The following PMS1 variants were observed in gnomAD, a reference collection of about 807,000 sequenced individuals.
PMS1 encodes the protein PMS1 homolog 1, mismatch repair system component, also known as PMS1 protein homolog 1.
A neutral mutation model predicts 93.1 loss-of-function variants in PMS1; 79 were observed. The ratio of observed to expected loss-of-function variants is 0.85; its 90% CI spans 0.71 to 1.02. The LOEUF (loss-of-function observed/expected upper bound fraction) is 1.02, where lower values mean the gene tolerates loss of function less well. Among genes scored for constraint, PMS1 ranks in the 50% least tolerant of loss-of-function variants. The probability of loss-of-function intolerance (pLI) is 0.00; values close to 1 mark genes in which losing one functional copy is unlikely to be tolerated. For missense variants in PMS1, 1,064 were observed against 1,085.3 expected, an observed-to-expected ratio of 0.98 and a Z score of 0.28; for synonymous variants, 335 against 363.4, an observed-to-expected ratio of 0.92 and a Z score of 0.89.
chr2:189,864,076 C>T lies in PMS1; in HGVS notation c.2190C>T (p.Leu730=). 1 of 1,613,672 alleles carries T rather than the reference C, an allele frequency of 6.2e-7. No homozygotes were observed. Among genetic ancestry groups the T allele is most frequent in the Non-Finnish European group, 8.5e-7 (1 of 1,179,750 alleles). Residue 730 remains leucine (L), a synonymous_variant, in exon 10 of 13, where the codon CTC becomes CTT. Coordinates refer to ENST00000441310, the MANE Select transcript of PMS1 (RefSeq NM_000534.5). ...EKDEPCLIHN[L]RFPDAWLMTS... is the part of the protein sequence containing the mutation. ...ATGAACCTTGCTTGATCCACAATCT[C>T]AGGTTTCCTGATGCATGGCTAATGA...
intron 10 of PMS1, among the ~76,000 whole-genome samples, chr2:189,865,960 G>A (rs1431877879): frequency 6.6e-6 from 1 of 152,002 alleles, no homozygotes; most frequent in Non-Finnish European, 1.5e-5. Flanking sequence ...AAAAAAACAG[G>A]GACAGAACAC....
chr2:189,792,075 C>T (rs372793452), intron 2 of PMS1, 134 bp downstream of exon 2: 2 of 722,430 alleles, frequency 2.8e-6, no homozygotes, highest in East Asian at 5.5e-5. Flanking sequence ...GACCCTTTGT[C>T]TTAAGAGTAA....
intron 3 of PMS1, among the ~76,000 whole-genome samples, chr2:189,803,762 T>TA (rs1418996645): frequency 2.6e-5 from 4 of 152,212 alleles, no homozygotes; most frequent in Non-Finnish European, 4.4e-5. Flanking sequence ...GAAGTACACT[T>TA]ATGTGTTTGC....
At chr2:189,805,379 CA>C (rs1168335262) in intron 3 of PMS1, among the ~76,000 whole-genome samples, 6 of 152,066 alleles carry the variant, frequency 3.9e-5, no homozygotes, top group African/African-American at 1.4e-4. Flanking sequence ...GCATATAATA[CA>C]AATGGCATTT....
At chr2:189,837,705 A>G (rs2053505928) in intron 5 of PMS1, among the ~76,000 whole-genome samples, 1 of 152,222 alleles carries the variant, frequency 6.6e-6, no homozygotes, top group Non-Finnish European at 1.5e-5. Flanking sequence ...AGAGAAATGA[A>G]AACATATGCC....
chr2:189,864,295 C>T (rs913923903), intron 10 of PMS1, 67 bp downstream of exon 10: 8 of 1,094,566 alleles, frequency 7.3e-6, no homozygotes, highest in Admixed American at 1.7e-5. Context: ...AGATTAAAAT[C>T]GAAGGTAGAA....
intron 1 of PMS1, among the ~76,000 whole-genome samples, chr2:189,785,867 G>A (rs912997433): frequency 6.6e-6 from 1 of 152,194 alleles, no homozygotes; most frequent in Non-Finnish European, 1.5e-5. Flanking sequence ...GCTCACACCT[G>A]TAATCCCAGC....
At chr2:189,839,050 A>G (rs1183530917) in intron 5 of PMS1, among the ~76,000 whole-genome samples, 3 of 151,836 alleles carry the variant, frequency 2.0e-5, no homozygotes, top group Admixed American at 6.6e-5. Context: ...GGAGTGCAGT[A>G]GCGCGATCTC....
chr2:189,832,339 G>A (rs2053022358), intron 5 of PMS1, among the ~76,000 whole-genome samples: 2 of 152,218 alleles, frequency 1.3e-5, no homozygotes, highest in African/African-American at 2.4e-5. Context: ...ATACTGCTAT[G>A]TTGTTACAAA....
chr2:189,792,805 T>G (rs183363401), intron 2 of PMS1, among the ~76,000 whole-genome samples: 163 of 150,162 alleles, frequency 1.1e-3, no homozygotes, highest in African/African-American at 3.7e-3. Context: ...TTTTATTTAT[T>G]TATTTATTTA....
At position 189,867,809 on chromosome 2, in the gene PMS1, G is replaced by C. The variant is rs777821897; in HGVS notation, c.2353G>C (p.Gly785Arg). ...PIMLTESLFN[G>R]SHYLDVLYKM... ...TAATTTCTTTTTCAGTCTTTTTAAT[G>C]GATCTCATTATTTAGACGTTTTATA... The change falls in exon 11 of 13, where the codon GGA becomes CGA. Residue 785 changes from glycine to arginine, a missense_variant. Physicochemically the swap from Gly to Arg is moderately radical, Grantham distance 125 (BLOSUM62 -2). Transcript: ENST00000441310. 5 of 1,571,824 alleles carry C rather than the reference G, an allele frequency of 3.2e-6. No homozygotes were observed. The highest frequency in any genetic ancestry group is 1.7e-5 in the Admixed American group (1 of 59,886).
chr2:189,854,126 T>C (rs764366659), intron 8 of PMS1, 44 bp downstream of exon 8: 1 of 1,413,018 alleles, frequency 7.1e-7, no homozygotes, highest in Admixed American at 1.9e-5. Flanking sequence ...TTTATAAACA[T>C]ATATTACTGT....
chr2:189,794,448 A>G (rs1237632831), intron 2 of PMS1, among the ~76,000 whole-genome samples: 1 of 152,238 alleles, frequency 6.6e-6, no homozygotes, highest in Non-Finnish European at 1.5e-5. Flanking sequence ...GGTGTGAGGA[A>G]CAAAATCTTA....
chr2:189,821,794 G>C (rs1407730256), intron 5 of PMS1, among the ~76,000 whole-genome samples: 1 of 152,190 alleles, frequency 6.6e-6, no homozygotes, highest in Non-Finnish European at 1.5e-5. Context: ...GGGCGACAGA[G>C]TGAGAATCTA....
At chr2:189,863,652 C>T in intron 9 of PMS1, 91 bp from the exon 10 acceptor site, 1 of 939,736 alleles carries the variant, frequency 1.1e-6, no homozygotes, top group East Asian at 2.5e-5. Flanking sequence ...ATATCTGGAA[C>T]ACCAGTACTT....
At chr2:189,795,365 A>G (rs2049256089) in intron 2 of PMS1, among the ~76,000 whole-genome samples, 1 of 152,206 alleles carries the variant, frequency 6.6e-6, no homozygotes, top group South Asian at 2.1e-4. Flanking sequence ...TGACTAGAAC[A>G]TGTGTTACTT....
At chr2:189,864,412 C>T in intron 10 of PMS1, 184 bp downstream of exon 10, 38 of 544,686 alleles carry the variant, frequency 7.0e-5, no homozygotes, top group Non-Finnish European at 1.2e-4. Context: ...AATCCCAGCA[C>T]TTTGGGAGGC....
rs1038324401 is a variant in PMS1, at chr2:189,823,189, G to GA, written c.582+5015dup. ...ACCCCGTTACTCCTAAAATTTAACT[G>GA]AAAAAACTCACAGATTTGGGTTTTT... On this transcript the variant is annotated intron_variant, in intron 5 of 12. Coordinates refer to ENST00000441310, the MANE Select transcript of PMS1 (RefSeq NM_000534.5). Among the ~76,000 whole-genome samples, 5 of 151,852 alleles carry GA rather than the reference G, an allele frequency of 3.3e-5. No individual in the cohort carries two copies. The East Asian group carries it at 7.7e-4, about 23-fold the overall frequency.
At position 189,854,962 on chromosome 2, in the gene PMS1, G is replaced by A. The variant is rs531589926; in HGVS notation, c.1690G>A (p.Asp564Asn). Residue 564 changes from aspartate to asparagine, a missense_variant, in exon 9 of 13, where the codon GAT becomes AAT. Asp to Asn is a conservative substitution (Grantham distance 23, BLOSUM62 1). Transcript: ENST00000441310. Reference protein sequence around the residue: ...DNKSGKVTAYDLLSNRVIKKP... With the variant: ...DNKSGKVTAYNLLSNRVIKKP... ...TAAATCTGGAAAAGTTACAGCTTAT[G>A]ATTTACTTAGCAATCGAGTAATCAA... The A allele has an allele frequency of 6.2e-7, 1 of 1,612,782 alleles. No individual in the cohort carries two copies. The highest frequency in any genetic ancestry group is 8.5e-7 in the Non-Finnish European group (1 of 1,178,932).
Sources: gnomAD v4.1 joint callset for allele counts (sites outside exome capture counted in the v4.1 genomes callset) on GRCh38, gnomAD v4.1.1 for gene constraint, MANE v1.5 for transcripts, NCBI Gene and HGNC (gene_info 2026-07-23, HGNC 2026-07-21) for gene names.